KCNMA1: variants seen among roughly 807,000 people sequenced by gnomAD.
KCNMA1 encodes Calcium-activated potassium channel subunit alpha-1.
KCNMA1 carries 29 observed loss-of-function variants against 140.0 expected under a neutral mutation model. That is an observed-to-expected ratio of 0.21 (90% CI 0.15 to 0.28). The LOEUF is 0.28. KCNMA1 is among the 10% of genes least tolerant of loss of function. KCNMA1 has a pLI of 1.00. For synonymous variants in KCNMA1, 612 were observed against 611.9 expected (o/e 1.00, Z 0.00); for missense variants, 880 against 1,602.2 (o/e 0.55, Z 7.70).
chr10:77,425,271 C>T (rs2096958731), intron 1 of KCNMA1, among the ~76,000 whole-genome samples: 1 of 152,202 alleles, frequency 6.6e-6, no homozygotes, highest in African/African-American at 2.4e-5. Context: ...GTTACCCTCA[C>T]CTGAATTTTC....
At chr10:77,293,982 C>CA (rs1013356253) in intron 2 of KCNMA1, among the ~76,000 whole-genome samples, 1 of 152,242 alleles carries the variant, frequency 6.6e-6, no homozygotes, top group Non-Finnish European at 1.5e-5. Context: ...CTGGCCCCAG[C>CA]CGGTGTGGCT....
intron 1 of KCNMA1, among the ~76,000 whole-genome samples, chr10:77,536,512 T>C (rs1168994402): frequency 6.6e-6 from 1 of 152,232 alleles, no homozygotes. Context: ...GCTAAGGGCT[T>C]CATACCTACG....
chr10:77,412,221 G>C (rs192219576), intron 1 of KCNMA1, among the ~76,000 whole-genome samples: 1 of 152,338 alleles, frequency 6.6e-6, no homozygotes, highest in African/African-American at 2.4e-5. Flanking sequence ...GGCTGTGAGA[G>C]AAGGAAGGGC....
chr10:77,316,251 G>T (rs973881693), intron 2 of KCNMA1, among the ~76,000 whole-genome samples: 2 of 152,116 alleles, frequency 1.3e-5, no homozygotes, highest in Non-Finnish European at 2.9e-5. Flanking sequence ...GCCCTGCTGG[G>T]CAGCAGGGAA....
At chr10:77,475,113 C>G (rs969695087) in intron 1 of KCNMA1, among the ~76,000 whole-genome samples, 25 of 152,190 alleles carry the variant, frequency 1.6e-4, no homozygotes, top group African/African-American at 6.0e-4. Context: ...CTAAGTGCCT[C>G]AACTTGTCCC....
intron 22 of KCNMA1, among the ~76,000 whole-genome samples, chr10:76,947,931 T>C (rs983770952): frequency 6.6e-6 from 1 of 152,232 alleles, no homozygotes; most frequent in African/African-American, 2.4e-5. Context: ...TAATACATTT[T>C]AGCTTTGTAA....
At chr10:77,430,893 G>C (rs551122009) in intron 1 of KCNMA1, among the ~76,000 whole-genome samples, 70 of 152,304 alleles carry the variant, frequency 4.6e-4, no homozygotes, top group African/African-American at 1.5e-3. Context: ...CTAAGGACTT[G>C]TCCATCAACA....
At chr10:77,594,697 C>T (rs2080269088) in intron 1 of KCNMA1, among the ~76,000 whole-genome samples, 1 of 152,208 alleles carries the variant, frequency 6.6e-6, no homozygotes, top group South Asian at 2.1e-4. Context: ...TCACCAAGCA[C>T]CTGGTCAGGA....
intron 20 of KCNMA1, among the ~76,000 whole-genome samples, chr10:76,957,489 T>C (rs1420870600): frequency 6.6e-6 from 1 of 152,100 alleles, no homozygotes; most frequent in African/African-American, 2.4e-5. Flanking sequence ...ACAGGAAGAT[T>C]GTTATAAAAA....
intron 1 of KCNMA1, among the ~76,000 whole-genome samples, chr10:77,517,248 C>T (rs1009056867): frequency 2.6e-5 from 4 of 152,078 alleles, no homozygotes; most frequent in East Asian, 1.9e-4. Context: ...GCAGTGTCAC[C>T]GGAACCCAGG....
chr10:77,637,182 C>T, intron 1 of KCNMA1, 83 bp downstream of exon 1: 3 of 1,348,950 alleles, frequency 2.2e-6, no homozygotes, highest in African/African-American at 1.5e-5. Context: ...CACGGCGCGG[C>T]GCGGAGCGAG....
chr10:77,485,630 C>T (rs898404026), intron 1 of KCNMA1, among the ~76,000 whole-genome samples: 3 of 152,210 alleles, frequency 2.0e-5, no homozygotes, highest in Admixed American at 6.5e-5. Flanking sequence ...AGAAGCATCT[C>T]AGAGCCCATA....
At chr10:76,949,565 T>C in intron 21 of KCNMA1, 199 bp from the exon 22 acceptor site, 1 of 611,540 alleles carries the variant, frequency 1.6e-6, no homozygotes, top group Non-Finnish European at 2.9e-6. Flanking sequence ...ATTATATTTT[T>C]GTAATAAATC....
At chr10:76,988,233 T>C (rs1223584916) in intron 19 of KCNMA1, among the ~76,000 whole-genome samples, 4 of 152,064 alleles carry the variant, frequency 2.6e-5, no homozygotes, top group Admixed American at 2.0e-4. Context: ...AAGGCATGGG[T>C]GAAAAACTTG....
At chr10:76,882,314 A>G (rs1242718347), downstream of KCNMA1, among the ~76,000 whole-genome samples, 1 of 152,190 alleles carries the variant, frequency 6.6e-6, no homozygotes, top group African/African-American at 2.4e-5. Context: ...TGAGGTTGAG[A>G]GAGAAAAGGC....
At chr10:76,983,692 A>G (rs1449234810) in intron 19 of KCNMA1, among the ~76,000 whole-genome samples, 1 of 151,284 alleles carries the variant, frequency 6.6e-6, no homozygotes, top group African/African-American at 2.4e-5. Flanking sequence ...GCACAACTGC[A>G]CTCCAGCCTG....
chr10:77,474,171 G>T (rs1389674105), intron 1 of KCNMA1, among the ~76,000 whole-genome samples: 1 of 152,214 alleles, frequency 6.6e-6, no homozygotes, highest in African/African-American at 2.4e-5. Flanking sequence ...CAGACACACA[G>T]CAAAGACATG....
At chr10:77,505,120 C>T (rs1394733691) in intron 1 of KCNMA1, among the ~76,000 whole-genome samples, 1 of 152,218 alleles carries the variant, frequency 6.6e-6, no homozygotes, top group African/African-American at 2.4e-5. Context: ...CCTTTTCCAC[C>T]TACTCATGAA....
intron 2 of KCNMA1, among the ~76,000 whole-genome samples, chr10:77,323,278 A>G (rs2082893368): frequency 6.6e-6 from 1 of 152,224 alleles, no homozygotes; most frequent in Non-Finnish European, 1.5e-5. Context: ...AGACTGGTAC[A>G]TTAAAGAAGC....
Sources: gnomAD v4.1 joint callset for allele counts (sites outside exome capture counted in the v4.1 genomes callset) on GRCh38, gnomAD v4.1.1 for gene constraint, MANE v1.5 for transcripts, NCBI Gene and HGNC (gene_info 2026-07-23, HGNC 2026-07-21) for gene names.